Variants in PRKDC observed in about 807,000 individuals in gnomAD.
PRKDC encodes the protein protein kinase, DNA-activated, catalytic subunit, also known as DNA-dependent protein kinase catalytic subunit.
In PRKDC, 82 loss-of-function variants were observed where a neutral mutation model predicts 486.9. The ratio of observed to expected loss-of-function variants is 0.17; its 90% confidence interval spans 0.14 to 0.20. The LOEUF is 0.20. PRKDC is among the 10% of genes least tolerant of loss of function. PRKDC has a pLI of 1.00. For missense variants in PRKDC, 4,504 were observed against 5,038.2 expected (o/e 0.89, Z 3.21); for synonymous variants, 1,895 against 1,837.0 (o/e 1.03, Z -0.81).
At chr8:47,801,055 C>T (rs1192561139) in intron 70 of PRKDC, 69 bp from the exon 71 acceptor site, 22 of 1,420,028 alleles carry the variant, frequency 1.5e-5, no homozygotes, top group Non-Finnish European at 2.0e-5. Context: ...AGAAGAAATT[C>T]ATTGTCTATA....
rs1178963737 is a variant in PRKDC at position 47,855,285 on chromosome 8, T to C, written c.6698A>G (p.His2233Arg). ...VFHPKRAVFR[H>R]NLEIIKTLVE... ...AAGGGTCTTTATAATTTCAAGGTTG[T>C]GTCTAAACACAGCTCTTTTTGGATG... Residue 2233 changes from histidine (H) to arginine (R), a missense_variant, in exon 50 of 86, where the codon CAC (histidine) becomes CGC (arginine). By Grantham distance (29) the His-to-Arg change is conservative. Transcript: ENST00000314191. 6 of 1,603,436 alleles carry C rather than the reference T, an allele frequency of 3.7e-6. No homozygotes were observed. The highest frequency in any genetic ancestry group is 4.3e-6 in the Non-Finnish European group (5 of 1,174,334).
intron 68 of PRKDC, among the ~76,000 whole-genome samples, chr8:47,809,395 C>T (rs2087282044): frequency 6.6e-6 from 1 of 152,126 alleles, no homozygotes; most frequent in African/African-American, 2.4e-5. Flanking sequence ...ACTGGATTAA[C>T]ATTTCAATAA....
rs748067036 is a variant in PRKDC, at chr8:47,774,280, G to A, written c.12280C>T (p.Pro4094Ser). Reference sequence around the variant, plus strand: ...GTCTCTTCTGAAAGCCCACTCTCTGGTTCTTGGGCACGAATGTTGTGATCT... The same window carrying A: ...GTCTCTTCTGAAAGCCCACTCTCTGATTCTTGGGCACGAATGTTGTGATCT... ...SKDHNIRAQE[P>S]ESGLSEETQV... Residue 4094 changes from proline to serine, a missense_variant, in exon 86 of 86, where the codon CCA (proline) becomes TCA (serine). By Grantham distance (74) the Pro-to-Ser change is moderately conservative. This residue lies in a region of PRKDC where 706 missense variants were observed against 945.0 expected (regional missense o/e 0.75). Coordinates refer to ENST00000314191, the MANE Select transcript of PRKDC (RefSeq NM_006904.7). 2.5e-6 allele frequency: 4 copies of A among 1,611,538 alleles called. No individual in the cohort carries two copies. Among genetic ancestry groups the A allele is most frequent in the Non-Finnish European group, 3.4e-6 (4 of 1,179,036 alleles).
At chr8:47,776,458 C>T (rs1283209531) in intron 85 of PRKDC, among the ~76,000 whole-genome samples, 1 of 152,186 alleles carries the variant, frequency 6.6e-6, no homozygotes, top group Admixed American at 6.5e-5. Flanking sequence ...CCACACAGTG[C>T]TTTTCATACC....
chr8:47,837,166 G>C (rs1303836231), intron 57 of PRKDC, 46 bp downstream of exon 57: 1 of 1,522,710 alleles, frequency 6.6e-7, no homozygotes, highest in Non-Finnish European at 9.0e-7. Flanking sequence ...TCATGAACAG[G>C]AAAAGCCTAT....
At chr8:47,858,474 A>T in intron 48 of PRKDC, 42 bp downstream of exon 48, 1 of 1,407,902 alleles carries the variant, frequency 7.1e-7, no homozygotes, top group Non-Finnish European at 9.5e-7. Context: ...AAACAGACTT[A>T]CAGAATCTAT....
chr8:47,924,248 T>C (rs1207271080), intron 21 of PRKDC, among the ~76,000 whole-genome samples: 1 of 152,140 alleles, frequency 6.6e-6, no homozygotes, highest in Non-Finnish European at 1.5e-5. Context: ...CAAGGAGTCC[T>C]GGTTCCATTA....
chr8:47,855,627 C>T (rs1324793265), intron 49 of PRKDC, among the ~76,000 whole-genome samples: 1 of 152,254 alleles, frequency 6.6e-6, no homozygotes, highest in Non-Finnish European at 1.5e-5. Flanking sequence ...GCATGCACCT[C>T]TGCCTTCCTC....
At chr8:47,911,143 C>A (rs1316553484) in intron 25 of PRKDC, among the ~76,000 whole-genome samples, 1 of 152,180 alleles carries the variant, frequency 6.6e-6, no homozygotes, top group African/African-American at 2.4e-5. Context: ...GATATCCTAG[C>A]CTTACTGGCC....
Position 47,782,298 on chromosome 8 carries a change from C to A in PRKDC, c.11397-44G>T. 4 of 1,611,564 alleles carry A rather than the reference C, an allele frequency of 2.5e-6. No homozygotes were observed. Among genetic ancestry groups the A allele is most frequent in the Non-Finnish European group, 3.4e-6 (4 of 1,177,748 alleles). On this transcript the variant is annotated intron_variant, in intron 79 of 85. Coordinates refer to ENST00000314191, the MANE Select transcript of PRKDC (RefSeq NM_006904.7). This position sits in a 1 kb window ranked among gnomAD's most constrained non-coding sequence, Gnocchi z 4.9. ...GGTTAACGAGTAAACCCAAACTGCT[C>A]TTTCTTCACTAGAAAAACAGTCCCG...
chr8:47,785,049 G>C, intron 77 of PRKDC, 64 bp downstream of exon 77: 1 of 1,480,848 alleles, frequency 6.8e-7, no homozygotes, highest in African/African-American at 1.4e-5. Context: ...CAGAAACCAC[G>C]AGTTCTTATT....
chr8:47,935,636 T>C, intron 13 of PRKDC, 96 bp downstream of exon 13: 1 of 1,361,812 alleles, frequency 7.3e-7, no homozygotes. Flanking sequence ...GTGTCAAAGA[T>C]ACAAAAGAAT....
chr8:47,809,446 G>T (rs750976937), intron 68 of PRKDC, among the ~76,000 whole-genome samples: 1 of 152,184 alleles, frequency 6.6e-6, no homozygotes, highest in Non-Finnish European at 1.5e-5. Flanking sequence ...CTACCAGTGT[G>T]AATAAAGTGC....
chr8:47,775,844 G>T, intron 85 of PRKDC, among the ~76,000 whole-genome samples: 1 of 148,406 alleles, frequency 6.7e-6, no homozygotes, highest in African/African-American at 2.5e-5. Context: ...TTTTTCTGAG[G>T]CAGAGTCTCA....
chr8:47,866,642 C>T (rs1326064977), intron 40 of PRKDC, among the ~76,000 whole-genome samples: 1 of 152,108 alleles, frequency 6.6e-6, no homozygotes, highest in Admixed American at 6.5e-5. Flanking sequence ...CAAAGGGAAA[C>T]CCTTTCTCAC....
intron 73 of PRKDC, among the ~76,000 whole-genome samples, chr8:47,797,680 C>T (rs2087009895): frequency 6.6e-6 from 1 of 152,212 alleles, no homozygotes; most frequent in Non-Finnish European, 1.5e-5. Context: ...ACAGACAGAG[C>T]CCAAAGGACA....
intron 69 of PRKDC, among the ~76,000 whole-genome samples, chr8:47,806,452 C>T (rs376400908): frequency 1.9e-4 from 29 of 152,300 alleles, no homozygotes; most frequent in Admixed American, 2.0e-4. Context: ...CTTGATATTA[C>T]ACTCATCCAA....
At chr8:47,828,412 C>G in intron 61 of PRKDC, 65 bp from the exon 62 acceptor site, 5 of 1,324,624 alleles carry the variant, frequency 3.8e-6, no homozygotes, top group Non-Finnish European at 4.1e-6. Context: ...ATCACCAATA[C>G]TATCAGAGCT....
In PRKDC at chr8:47,915,349, T is replaced by C; in HGVS notation, c.2596A>G (p.Ile866Val). The C allele has an allele frequency of 6.4e-7, 1 of 1,555,898 alleles. No individual in the cohort carries two copies. Among genetic ancestry groups the C allele is most frequent in the Non-Finnish European group, 8.7e-7 (1 of 1,145,304 alleles). ...TTACCTGTCAGAAGATTTTTGTTTA[T>C]TTGTCCTCCTAGAGATCCAAGCATT... is the stretch of plus-strand genomic sequence containing the variant. ...VQMLGSLGGQ[I>V]NKNLLTVTSS... The change falls in exon 23 of 86, where the codon ATA becomes GTA. Residue 866 changes from isoleucine (I) to valine (V), a missense_variant. Transcript: ENST00000314191.
Sources: gnomAD v4.1 joint callset for allele counts (sites outside exome capture counted in the v4.1 genomes callset) on GRCh38, gnomAD v4.1.1 for gene constraint, gnomAD v4.1.1 regional missense constraint, Gnocchi (gnomAD v3.1) non-coding constraint, MANE v1.5 for transcripts, NCBI Gene and HGNC (gene_info 2026-07-23, HGNC 2026-07-21) for gene names.